Variants in JMJD1C observed in about 807,000 individuals in gnomAD.
JMJD1C encodes jumonji domain containing 1C.
Under a neutral mutation model 245.3 loss-of-function variants are expected in JMJD1C, and 31 were observed. The observed-to-expected ratio is 0.13, with a 90% CI of 0.09 to 0.17. JMJD1C has a LOEUF of 0.17. Ranked by LOEUF, JMJD1C falls within the 10% of genes least tolerant of loss-of-function variation. JMJD1C has a pLI of 1.00. For missense variants in JMJD1C, 2,691 were observed against 3,000.2 expected (o/e 0.90, Z 2.41); for synonymous variants, 1,057 against 1,017.4 (o/e 1.04, Z -0.74).
At chr10:63,182,906 G>C (rs1374051928) in intron 22 of JMJD1C, among the ~76,000 whole-genome samples, 6 of 152,054 alleles carry the variant, frequency 3.9e-5, no homozygotes, top group African/African-American at 1.5e-4. Flanking sequence ...TTGTTGCCCA[G>C]GCTGGAGTGC....
chr10:63,222,734 G>T, intron 3 of JMJD1C: 12 of 1,534,334 alleles, frequency 7.8e-6, no homozygotes, highest in Non-Finnish European at 9.9e-6. Flanking sequence ...TCTTTATATA[G>T]GATTTAATGG....
chr10:63,189,529 T>A lies in JMJD1C; in HGVS notation c.6292-83A>T, dbSNP rs796262244. ...TTCCTCCCACAGACTTATTTTTTTT[T>A]AAACAATATCCCTACACTCCACAAT... On this transcript the variant is annotated intron_variant, in intron 17 of 25. Coordinates refer to ENST00000399262, the MANE Select transcript of JMJD1C (RefSeq NM_032776.3). The A allele has an allele frequency of 4.4e-5, 50 of 1,144,502 alleles. 1 individual carries two copies. The highest frequency in any genetic ancestry group is 4.0e-4 in the African/African-American group (26 of 64,430). 70.9% of individuals were successfully genotyped at this position (1,144,502 alleles called of 1,614,324 possible). A position where few individuals can be genotyped will look rare whatever the true frequency, so the allele number is the denominator to read the frequency against.
At chr10:63,270,552 T>C (rs1199339925) in intron 2 of JMJD1C, among the ~76,000 whole-genome samples, 1 of 152,072 alleles carries the variant, frequency 6.6e-6, no homozygotes, top group Non-Finnish European at 1.5e-5. Flanking sequence ...CTGCAATCTC[T>C]GGCTCCTGGG....
intron 1 of JMJD1C, among the ~76,000 whole-genome samples, chr10:63,412,150 G>A (rs1007415011): frequency 3.3e-5 from 5 of 152,042 alleles, no homozygotes; most frequent in Non-Finnish European, 7.4e-5. Context: ...CCGCCCAGTC[G>A]AAAAGCTGAA....
intron 1 of JMJD1C, 62 bp downstream of exon 1, chr10:63,465,433 G>A (rs1953157440): frequency 1.4e-6 from 2 of 1,470,392 alleles, no homozygotes; most frequent in Admixed American, 2.0e-5. Flanking sequence ...AGCCTGCAAG[G>A]TACGTCTGCG....
chr10:63,420,350 A>T (rs1360436134), intron 1 of JMJD1C, among the ~76,000 whole-genome samples: 1 of 152,114 alleles, frequency 6.6e-6, no homozygotes, highest in Non-Finnish European at 1.5e-5. Context: ...AACACAGTGT[A>T]AGAATAAAGG....
intron 3 of JMJD1C, among the ~76,000 whole-genome samples, chr10:63,220,256 C>T (rs1386882675): frequency 1.3e-5 from 2 of 152,126 alleles, no homozygotes; most frequent in African/African-American, 2.4e-5. Context: ...TAGCCTTATT[C>T]AAGTCATCTT....
At chr10:63,279,628 G>A (rs974272186) in intron 2 of JMJD1C, among the ~76,000 whole-genome samples, 1 of 152,148 alleles carries the variant, frequency 6.6e-6, no homozygotes, top group African/African-American at 2.4e-5. Flanking sequence ...AATTAGCTGG[G>A]CATGGTGGCA....
intron 1 of JMJD1C, among the ~76,000 whole-genome samples, chr10:63,480,868 C>T (rs1000879629): frequency 2.0e-5 from 3 of 152,158 alleles, no homozygotes; most frequent in Non-Finnish European, 4.4e-5. Context: ...TCCTTACTTT[C>T]ATTCTATATC....
chr10:63,386,695 AC>A (rs1484987882), intron 1 of JMJD1C, among the ~76,000 whole-genome samples: 1 of 152,032 alleles, frequency 6.6e-6, no homozygotes, highest in Non-Finnish European at 1.5e-5. Flanking sequence ...GCCTGTCACA[AC>A]CTCTGCCAAC....
chr10:63,415,824 C>A (rs1277584094), intron 1 of JMJD1C, among the ~76,000 whole-genome samples: 1 of 152,180 alleles, frequency 6.6e-6, no homozygotes, highest in Non-Finnish European at 1.5e-5. Flanking sequence ...AGTCTGGCAA[C>A]TGCTGATACT....
At chr10:63,318,473 A>G (rs1940388900) in intron 2 of JMJD1C, among the ~76,000 whole-genome samples, 1 of 152,158 alleles carries the variant, frequency 6.6e-6, no homozygotes, top group African/African-American at 2.4e-5. Flanking sequence ...ATCCTTGAGT[A>G]TACTGAGTAT....
intron 3 of JMJD1C, among the ~76,000 whole-genome samples, chr10:63,260,626 G>A (rs1854581548): frequency 6.7e-6 from 1 of 150,330 alleles, no homozygotes; most frequent in Non-Finnish European, 1.5e-5. Context: ...GTCACGCTCT[G>A]TTGCCCAGGC....
chr10:63,396,159 T>C (rs1948471704), intron 1 of JMJD1C, among the ~76,000 whole-genome samples: 1 of 152,056 alleles, frequency 6.6e-6, no homozygotes, highest in Non-Finnish European at 1.5e-5. Context: ...AAAAAACCCA[T>C]GCCACTCCCT....
intron 23 of JMJD1C, chr10:63,177,470 T>C (rs923104837): frequency 2.1e-6 from 1 of 468,174 alleles, no homozygotes; most frequent in Non-Finnish European, 3.8e-6. Context: ...ATCAGTCTTT[T>C]ATTAACAGGG....
intron 1 of JMJD1C, among the ~76,000 whole-genome samples, chr10:63,482,171 T>A (rs1052223979): frequency 6.6e-6 from 1 of 151,996 alleles, no homozygotes; most frequent in Non-Finnish European, 1.5e-5. Flanking sequence ...GAAAAAAAAA[T>A]TGGTTTCATT....
chr10:63,253,116 A>C (rs576682643), intron 3 of JMJD1C, among the ~76,000 whole-genome samples: 5 of 152,360 alleles, frequency 3.3e-5, no homozygotes, highest in South Asian at 4.1e-4. Flanking sequence ...TAGAGTGAGC[A>C]ATCATTTGAA....
At chr10:63,469,082 A>C (rs1953409007), upstream of JMJD1C, among the ~76,000 whole-genome samples, 1 of 152,246 alleles carries the variant, frequency 6.6e-6, no homozygotes, top group African/African-American at 2.4e-5. Context: ...GAATAAGCAA[A>C]AGCCTAGTAG....
chr10:63,169,979 C>G (rs991959166), intron 24 of JMJD1C, among the ~76,000 whole-genome samples: 1 of 152,158 alleles, frequency 6.6e-6, no homozygotes, highest in African/African-American at 2.4e-5. Context: ...TACCAGCATA[C>G]AGAGTCTCCA....
Sources: gnomAD v4.1 joint callset for allele counts (sites outside exome capture counted in the v4.1 genomes callset) on GRCh38, gnomAD v4.1.1 for gene constraint, MANE v1.5 for transcripts, NCBI Gene and HGNC (gene_info 2026-07-23, HGNC 2026-07-21) for gene names.